The following OTUD7A variants were observed in gnomAD, a reference collection of about 807,000 sequenced individuals.
OTUD7A encodes the protein OTU deubiquitinase 7A.
Under a neutral mutation model 65.7 loss-of-function variants are expected in OTUD7A, and 12 were observed. That is an observed-to-expected ratio of 0.18 (90% CI 0.12 to 0.30). The LOEUF is 0.30. OTUD7A is among the 10% of genes least tolerant of loss of function. The pLI is 1.00. For missense variants in OTUD7A, 1,148 were observed against 1,304.8 expected (o/e 0.88, Z 1.85); for synonymous variants, 641 against 586.3 (o/e 1.09, Z -1.35).
At chr15:31,657,202 T>C (rs1356962169) in intron 1 of OTUD7A, 125 bp from the exon 2 acceptor site, 2 of 152,538 alleles carry the variant, frequency 1.3e-5, no homozygotes, top group African/African-American at 4.8e-5. Flanking sequence ...GCATGTACTC[T>C]GTCTTCCTGG....
At chr15:31,512,222 G>GTT (rs374620227) in intron 8 of OTUD7A, among the ~76,000 whole-genome samples, 2 of 147,060 alleles carry the variant, frequency 1.4e-5, no homozygotes, top group South Asian at 2.2e-4. Context: ...GTGAGGAATT[G>GTT]TTTTTTTTTT....
At chr15:31,764,716 A>T (rs1249743907) in intron 1 of OTUD7A, among the ~76,000 whole-genome samples, 1 of 152,182 alleles carries the variant, frequency 6.6e-6, no homozygotes, top group Non-Finnish European at 1.5e-5. Context: ...AAAAAAAAAT[A>T]CTAATCCCTA....
chr15:31,709,951 C>T (rs1254891085), intron 1 of OTUD7A, among the ~76,000 whole-genome samples: 1 of 149,418 alleles, frequency 6.7e-6, no homozygotes, highest in Non-Finnish European at 1.5e-5. Flanking sequence ...TAAGACAAAA[C>T]AAACAAAACA....
At chr15:31,748,145 T>C (rs920573424) in intron 1 of OTUD7A, among the ~76,000 whole-genome samples, 21 of 152,104 alleles carry the variant, frequency 1.4e-4, no homozygotes, top group African/African-American at 5.1e-4. Context: ...AAATTGAATA[T>C]GGAGTGTAGA....
At position 31,727,449 on chromosome 15, in the gene OTUD7A, T is replaced by C. The variant is rs150565005; in HGVS notation, c.-99-70372A>G. On this transcript the variant is annotated intron_variant, in intron 1 of 12. Coordinates refer to ENST00000307050, the MANE Select transcript of OTUD7A (RefSeq NM_001382637.1). ...TTTCCCCACTGCTGTCTCAGACCTT[T>C]AGTATTCAATAGGTATTTTAGAATT... is the stretch of plus-strand genomic sequence containing the variant. 3.3e-5 allele frequency among the ~76,000 whole-genome samples: 5 copies of C among 152,330 alleles called. No homozygotes were observed. In the East Asian group the frequency reaches 5.8e-4, roughly 18 times the overall value.
intron 3 of OTUD7A, among the ~76,000 whole-genome samples, chr15:31,584,666 A>G (rs973352334): frequency 6.6e-6 from 1 of 152,190 alleles, no homozygotes; most frequent in African/African-American, 2.4e-5. Context: ...ATCTGAAGAA[A>G]GTACATAGGA....
intron 1 of OTUD7A, among the ~76,000 whole-genome samples, chr15:31,748,395 ATAAC>A (rs775618299): frequency 4.6e-5 from 7 of 151,330 alleles, no homozygotes; most frequent in African/African-American, 7.3e-5. Context: ...ACAAACACAC[ATAAC>A]TATTATATAT....
chr15:31,595,570 C>G (rs1199255080), intron 3 of OTUD7A, among the ~76,000 whole-genome samples: 1 of 151,890 alleles, frequency 6.6e-6, no homozygotes, highest in African/African-American at 2.4e-5. Flanking sequence ...CCCCTCCCAG[C>G]CAATCCCTCT....
intron 3 of OTUD7A, among the ~76,000 whole-genome samples, chr15:31,603,249 A>G (rs1411250346): frequency 6.7e-6 from 1 of 149,490 alleles, no homozygotes; most frequent in East Asian, 1.9e-4. Flanking sequence ...ACAGATATAT[A>G]GACCAATGGA....
intron 3 of OTUD7A, among the ~76,000 whole-genome samples, chr15:31,617,059 A>C (rs1460115365): frequency 2.5e-4 from 38 of 152,194 alleles, no homozygotes; most frequent in Admixed American, 2.5e-3. Flanking sequence ...AAGAACTCAC[A>C]AATGCTGAGA....
At chr15:31,835,618 T>C (rs969500792) in intron 1 of OTUD7A, among the ~76,000 whole-genome samples, 2 of 152,198 alleles carry the variant, frequency 1.3e-5, no homozygotes, top group South Asian at 4.1e-4. Context: ...CCCTATTGTT[T>C]GGACCTAAAT....
At chr15:31,785,083 T>C (rs16955900) in intron 1 of OTUD7A, among the ~76,000 whole-genome samples, 6,083 of 152,262 alleles carry the variant, frequency 0.04, 409 homozygotes, top group African/African-American at 0.14. Context: ...ATCTAGACCC[T>C]GCAAGTACAC....
intron 1 of OTUD7A, among the ~76,000 whole-genome samples, chr15:31,702,887 G>A (rs1893245657): frequency 6.6e-6 from 1 of 151,836 alleles, no homozygotes; most frequent in African/African-American, 2.4e-5. Flanking sequence ...CTGCAGTACT[G>A]GTGAAGGAAT....
chr15:31,559,024 G>T lies in OTUD7A; in HGVS notation c.495C>A (p.Ser165Arg). 6.2e-7 allele frequency: 1 copy of T among 1,614,218 alleles called. No individual in the cohort carries two copies. The highest frequency in any genetic ancestry group is 2.2e-5 in the East Asian group (1 of 44,882). Residue 165 changes from serine to arginine, a missense_variant, in exon 5 of 13, where the codon AGC becomes AGA. Transcript: ENST00000307050. ...DLSVYSEDFRSFIERDLIEQA... is the reference protein window; with the variant it reads ...DLSVYSEDFRRFIERDLIEQA... ...GCTCGATCAAGTCCCGCTCGATGAA[G>T]CTCCTGAAATCCTCGCTGTACACGC...
intron 3 of OTUD7A, among the ~76,000 whole-genome samples, chr15:31,614,872 A>G (rs1890538129): frequency 6.6e-6 from 1 of 152,304 alleles, no homozygotes; most frequent in African/African-American, 2.4e-5. Context: ...AGAAGGGGCT[A>G]AATGGTGTTC....
At position 31,487,573 on chromosome 15, in the gene OTUD7A, C is replaced by T. The variant is rs771724973; in HGVS notation, c.1172-7G>A. ...TCCGTCAGGGGGATCACGGCTGGAA[C>T]AGAAGAGACAGAGCCGTGCTTGGAG... On this transcript the variant is annotated splice_polypyrimidine_tract_variant and splice_region_variant and intron_variant, in intron 10 of 12. Coordinates refer to ENST00000307050, the MANE Select transcript of OTUD7A (RefSeq NM_001382637.1). The surrounding 1 kb of genome is among the most constrained non-coding windows in gnomAD (Gnocchi z 6.0). The T allele has an allele frequency of 1.9e-6, 3 of 1,610,540 alleles. No individual in the cohort carries two copies. Among genetic ancestry groups the T allele is most frequent in the Non-Finnish European group, 2.5e-6 (3 of 1,178,354 alleles).
At chr15:31,733,300 C>A (rs1224160519) in intron 1 of OTUD7A, among the ~76,000 whole-genome samples, 1 of 152,240 alleles carries the variant, frequency 6.6e-6, no homozygotes, top group Non-Finnish European at 1.5e-5. Flanking sequence ...TTGGTCAACT[C>A]TGGCTCTTTC....
At chr15:31,596,158 G>C (rs775942364) in intron 3 of OTUD7A, among the ~76,000 whole-genome samples, 11 of 152,152 alleles carry the variant, frequency 7.2e-5, no homozygotes, top group Non-Finnish European at 1.3e-4. Context: ...CAGGGAACAG[G>C]AATCTTGAGG....
intron 1 of OTUD7A, among the ~76,000 whole-genome samples, chr15:31,764,369 T>C (rs555326823): frequency 6.6e-6 from 1 of 152,162 alleles, no homozygotes; most frequent in Non-Finnish European, 1.5e-5. Flanking sequence ...TATAGAGGAA[T>C]AGTATGAAAT....
Sources: allele counts gnomAD v4.1 joint callset (sites outside exome capture counted in the v4.1 genomes callset), GRCh38; gene constraint gnomAD v4.1.1; non-coding constraint Gnocchi (gnomAD v3.1); transcripts MANE v1.5; gene names NCBI Gene and HGNC (gene_info 2026-07-23, HGNC 2026-07-21).